TMED3: variants seen among roughly 807,000 people sequenced by gnomAD.
TMED3 encodes the protein transmembrane p24 trafficking protein 3, also known as transmembrane emp24 domain-containing protein 3.
In TMED3, 9 loss-of-function variants were observed where a neutral mutation model predicts 15.0. The observed-to-expected ratio is 0.60, with a 90% CI of 0.36 to 1.04. The LOEUF is 1.04. Ranked by LOEUF, TMED3 falls within the 50% of genes least tolerant of loss-of-function variation. The pLI is 0.01. For missense variants in TMED3, 267 were observed against 278.9 expected (o/e 0.96, Z 0.30); for synonymous variants, 117 against 121.4 (o/e 0.96, Z 0.24).
At chr15:79,338,782 A>G (rs1419284358) in intron 2 of TMED3, among the ~76,000 whole-genome samples, 1 of 152,196 alleles carries the variant, frequency 6.6e-6, no homozygotes, top group Non-Finnish European at 1.5e-5. Context: ...AGACAGGGCC[A>G]CCAGAGGGCT....
chr15:79,335,864 G>A lies in TMED3; in HGVS notation c.417+21859G>A, dbSNP rs186726026. On this transcript the variant is annotated intron_variant, in intron 2 of 2. Coordinates refer to the TMED3 transcript ENST00000424155. ...ACAAAAGAAATTACATTGAGTTCTT[G>A]CTAGGCACCAACCACAGTTCTTAGT... Among the ~76,000 whole-genome samples the A allele has an allele frequency of 1.8e-3, 274 of 152,264 alleles. 3 individuals carry two copies. The highest frequency in any genetic ancestry group is 6.4e-3 in the African/African-American group (265 of 41,550).
intron 2 of TMED3, among the ~76,000 whole-genome samples, chr15:79,380,343 C>G (rs1038885641): frequency 1.3e-5 from 2 of 150,648 alleles, no homozygotes; most frequent in African/African-American, 4.9e-5. Context: ...GAGCGAGACT[C>G]TGTCTCAACT....
chr15:79,329,181 C>T (rs967696131), intron 2 of TMED3, among the ~76,000 whole-genome samples: 8 of 152,158 alleles, frequency 5.3e-5, no homozygotes, highest in African/African-American at 1.9e-4. Flanking sequence ...CCAGGGGTTC[C>T]CTTCCTTCCC....
chr15:79,379,209 C>T (rs1321353553), intron 2 of TMED3, among the ~76,000 whole-genome samples: 3 of 152,108 alleles, frequency 2.0e-5, no homozygotes, highest in South Asian at 4.1e-4. Flanking sequence ...TTTCAGTATG[C>T]CTTTGTCAGT....
At chr15:79,383,440 G>A (rs560726734) in intron 2 of TMED3, 211 of 182,052 alleles carry the variant, frequency 1.2e-3, no homozygotes, top group South Asian at 1.9e-3. Context: ...ATTTACCCAT[G>A]GTTACAGTTT....
chr15:79,338,909 G>A (rs1003469576), intron 2 of TMED3, among the ~76,000 whole-genome samples: 4 of 152,044 alleles, frequency 2.6e-5, no homozygotes, highest in Admixed American at 2.0e-4. Flanking sequence ...ACCGGGAAAG[G>A]GAGTCTCCCT....
At chr15:79,311,468 C>A in intron 1 of TMED3, 51 bp downstream of exon 1, 1 of 1,554,942 alleles carries the variant, frequency 6.4e-7, no homozygotes, top group South Asian at 1.2e-5. Flanking sequence ...TCCCAGGTCT[C>A]ACCTGGACAC....
At chr15:79,327,187 T>C (rs1595889518), downstream of TMED3, among the ~76,000 whole-genome samples, 1 of 152,306 alleles carries the variant, frequency 6.6e-6, no homozygotes, top group African/African-American at 2.4e-5. Context: ...AATATGAGGT[T>C]GGCAGGACAA....
chr15:79,346,359 G>A (rs1316822666), intron 2 of TMED3, among the ~76,000 whole-genome samples: 1 of 152,114 alleles, frequency 6.6e-6, no homozygotes, highest in East Asian at 1.9e-4. Context: ...GGGACCAGGT[G>A]GACATAATTG....
chr15:79,361,909 T>G (rs1412302840), intron 2 of TMED3, among the ~76,000 whole-genome samples: 1 of 152,018 alleles, frequency 6.6e-6, no homozygotes, highest in African/African-American at 2.4e-5. Flanking sequence ...AAAGTATTAA[T>G]CACTTGAACA....
downstream of TMED3, among the ~76,000 whole-genome samples, chr15:79,324,369 A>T (rs184209032): frequency 6.6e-6 from 1 of 152,224 alleles, no homozygotes; most frequent in African/African-American, 2.4e-5. Flanking sequence ...ATTTTTTGTT[A>T]TAGAGAAATA....
chr15:79,377,947 A>G (rs1893460556), intron 2 of TMED3, among the ~76,000 whole-genome samples: 1 of 152,212 alleles, frequency 6.6e-6, no homozygotes, highest in African/African-American at 2.4e-5. Context: ...CGCCCGGCTG[A>G]ACAAACTGTT....
chr15:79,387,049 C>G (rs990615526), intron 2 of TMED3, among the ~76,000 whole-genome samples: 1 of 150,554 alleles, frequency 6.6e-6, no homozygotes, highest in Non-Finnish European at 1.5e-5. Context: ...TGCCACAGCC[C>G]CCTGAGTAGC....
At chr15:79,411,437 T>G (rs1178912564) in exon 3 of TMED3, 2 of 702,444 alleles carry the variant, frequency 2.8e-6, no homozygotes, top group South Asian at 1.5e-5. Flanking sequence ...GTGGACAAGA[T>G]GGTCGACTAT....
intron 2 of TMED3, among the ~76,000 whole-genome samples, chr15:79,361,729 T>A (rs1004855392): frequency 3.5e-5 from 5 of 142,728 alleles, no homozygotes; most frequent in African/African-American, 1.3e-4. Flanking sequence ...AAAAAAAAAA[T>A]ATTTAAACAT....
chr15:79,379,652 G>T (rs975098884), intron 2 of TMED3, among the ~76,000 whole-genome samples: 2 of 152,124 alleles, frequency 1.3e-5, no homozygotes, highest in African/African-American at 4.8e-5. Context: ...ATGTATTTGT[G>T]TATTAAACAG....
chr15:79,353,145 T>A (rs1217317883), intron 2 of TMED3, among the ~76,000 whole-genome samples: 4 of 73,716 alleles, frequency 5.4e-5, no homozygotes, highest in Admixed American at 4.3e-4. Flanking sequence ...ATATAAAAAA[T>A]ATATAAAATA....
intron 2 of TMED3, among the ~76,000 whole-genome samples, chr15:79,336,532 C>T (rs749240849): frequency 4.6e-5 from 7 of 152,098 alleles, no homozygotes; most frequent in Non-Finnish European, 8.8e-5. Flanking sequence ...GTGGCAGGTG[C>T]TTGTAGTCCC....
intron 1 of TMED3, among the ~76,000 whole-genome samples, chr15:79,312,680 A>G (rs1020646537): frequency 1.3e-5 from 2 of 152,134 alleles, no homozygotes; most frequent in Non-Finnish European, 2.9e-5. Flanking sequence ...TATTTTTCTT[A>G]TGTTACAAGG....
Sources: allele counts gnomAD v4.1 joint callset (sites outside exome capture counted in the v4.1 genomes callset), GRCh38; gene constraint gnomAD v4.1.1; transcripts MANE v1.5; gene names NCBI Gene and HGNC (gene_info 2026-07-23, HGNC 2026-07-21).